Variants in CAP2 observed in about 807,000 individuals in gnomAD.
The protein encoded by CAP2 is cyclase associated actin cytoskeleton regulatory protein 2.
Under a neutral mutation model 57.7 loss-of-function variants are expected in CAP2, and 24 were observed. The observed-to-expected ratio is 0.42, with a 90% CI of 0.30 to 0.58. CAP2 has a LOEUF of 0.58. Ranked by LOEUF, CAP2 falls within the 20% of genes least tolerant of loss-of-function variation. The pLI is 0.22. For synonymous variants in CAP2, 194 were observed against 207.2 expected (o/e 0.94, Z 0.55); for missense variants, 501 against 590.3 (o/e 0.85, Z 1.57).
intron 2 of CAP2, among the ~76,000 whole-genome samples, chr6:17,426,029 A>T (rs1344600675): frequency 1.3e-5 from 2 of 151,898 alleles, no homozygotes; most frequent in Non-Finnish European, 2.9e-5. Context: ...TGGGAGGAGG[A>T]GGTTGCAGTG....
At chr6:17,526,439 C>G (rs901698793) in intron 7 of CAP2, among the ~76,000 whole-genome samples, 4 of 151,964 alleles carry the variant, frequency 2.6e-5, no homozygotes, top group Admixed American at 1.3e-4. Context: ...TTCCTTCTGT[C>G]CAGTGATAGG....
intron 3 of CAP2, among the ~76,000 whole-genome samples, chr6:17,457,216 G>T (rs182895853): frequency 6.6e-6 from 1 of 152,282 alleles, no homozygotes; most frequent in Non-Finnish European, 1.5e-5. Flanking sequence ...AGATGCACAT[G>T]TTCACCCACA....
At chr6:17,414,337 T>C (rs1367667386) in intron 1 of CAP2, among the ~76,000 whole-genome samples, 1 of 152,118 alleles carries the variant, frequency 6.6e-6, no homozygotes, top group Non-Finnish European at 1.5e-5. Context: ...GCAGGTTCGT[T>C]ACATAGGTAT....
intron 4 of CAP2, among the ~76,000 whole-genome samples, chr6:17,506,759 G>A (rs1330357033): frequency 6.6e-6 from 1 of 152,170 alleles, no homozygotes. Flanking sequence ...GGAATAGGAT[G>A]AAGTCATTTT....
chr6:17,552,916 TTCA>T lies in CAP2; in HGVS notation c.1350+1317_1350+1319del, dbSNP rs377309046. On this transcript the variant is annotated intron_variant, in intron 12 of 12. Coordinates refer to ENST00000229922, the MANE Select transcript of CAP2 (RefSeq NM_006366.3). ...ACGTGTCATACATTACAGGCCAGAATTCATCATTTCAGTTTAAAAAAACAAAAC... is the reference window on the plus strand; with the variant it reads ...ACGTGTCATACATTACAGGCCAGAATTCATTTCAGTTTAAAAAAACAAAAC... Among the ~76,000 whole-genome samples the T allele has an allele frequency of 2.1e-3, 317 of 152,202 alleles. 1 individual carries two copies. Among genetic ancestry groups the T allele is most frequent in the South Asian group, 0.013 (61 of 4,822 alleles).
At chr6:17,555,846 C>T (rs1489905390) in intron 12 of CAP2, among the ~76,000 whole-genome samples, 1 of 152,152 alleles carries the variant, frequency 6.6e-6, no homozygotes, top group Non-Finnish European at 1.5e-5. Flanking sequence ...AGATTACAGG[C>T]TTAAGCCACT....
At position 17,456,584 on chromosome 6, in the gene CAP2, C is replaced by T. The variant is rs112070623; in HGVS notation, c.223-6412C>T. On this transcript the variant is annotated intron_variant, in intron 3 of 12. Transcript: ENST00000229922. The stretch of plus-strand genomic sequence containing the variant: ...GTGTCTCTAATTATGAAAAACAGGG[C>T]ATCAGTAGACCAACTGGGGAGGTAT... Among the ~76,000 whole-genome samples the T allele has an allele frequency of 6.1e-3, 933 of 152,158 alleles. 10 individuals are homozygous for T. The highest frequency in any genetic ancestry group is 0.021 in the African/African-American group (869 of 41,506).
At chr6:17,549,884 CTGAG>C (rs1358407732) in intron 11 of CAP2, among the ~76,000 whole-genome samples, 4 of 152,204 alleles carry the variant, frequency 2.6e-5, no homozygotes, top group African/African-American at 9.6e-5. Context: ...TAGTCTGTGA[CTGAG>C]TAATTTCACT....
chr6:17,503,799 T>G (rs1761900737), intron 4 of CAP2, among the ~76,000 whole-genome samples: 1 of 152,136 alleles, frequency 6.6e-6, no homozygotes, highest in African/African-American at 2.4e-5. Flanking sequence ...GGGGGGCAGG[T>G]GCACAGAGTG....
chr6:17,465,679 G>A (rs1008464380), intron 4 of CAP2, among the ~76,000 whole-genome samples: 1 of 152,212 alleles, frequency 6.6e-6, no homozygotes, highest in South Asian at 2.1e-4. Context: ...AGAACCAGCA[G>A]AAAAGACCTG....
At chr6:17,429,082 T>C (rs1159171852) in intron 3 of CAP2, among the ~76,000 whole-genome samples, 1 of 152,218 alleles carries the variant, frequency 6.6e-6, no homozygotes, top group East Asian at 1.9e-4. Flanking sequence ...GTCAAATGTA[T>C]CCCACAGCAC....
chr6:17,496,036 G>GGGGT (rs1761662417), intron 4 of CAP2, among the ~76,000 whole-genome samples: 2 of 133,604 alleles, frequency 1.5e-5, no homozygotes, highest in African/African-American at 2.8e-5. Flanking sequence ...GTGGGGGGGG[G>GGGGT]GGGTAAGTCA....
intron 1 of CAP2, among the ~76,000 whole-genome samples, chr6:17,397,996 C>T (rs1225395633): frequency 6.6e-6 from 1 of 151,966 alleles, no homozygotes; most frequent in Non-Finnish European, 1.5e-5. Flanking sequence ...TACTCATTTC[C>T]CCAAACCAAG....
chr6:17,509,945 C>T (rs965176634), intron 6 of CAP2, among the ~76,000 whole-genome samples: 2 of 151,762 alleles, frequency 1.3e-5, no homozygotes, highest in Non-Finnish European at 2.9e-5. Flanking sequence ...CATGGATGAA[C>T]CTTGAAAATA....
intron 4 of CAP2, among the ~76,000 whole-genome samples, chr6:17,502,626 G>T (rs764459838): frequency 6.6e-6 from 1 of 152,014 alleles, no homozygotes; most frequent in Non-Finnish European, 1.5e-5. Flanking sequence ...TCTTCCAGAA[G>T]ACTCTGTCTC....
At chr6:17,422,064 G>A (rs753178542) in intron 2 of CAP2, among the ~76,000 whole-genome samples, 32 of 152,066 alleles carry the variant, frequency 2.1e-4, no homozygotes, top group Non-Finnish European at 4.1e-4. Flanking sequence ...CCTCTTAAGA[G>A]CATATTCATC....
At chr6:17,475,894 T>TGTGCA (rs1581551351) in intron 4 of CAP2, among the ~76,000 whole-genome samples, 1 of 152,272 alleles carries the variant, frequency 6.6e-6, no homozygotes, top group East Asian at 1.9e-4. Flanking sequence ...ATCCTGTCTC[T>TGTGCA]GTGCAGATGG....
rs752591956 is a variant in CAP2, at chr6:17,541,095, C to T, written c.949C>T (p.Pro317Ser). Residue 317 changes from proline (P) to serine (S), a missense_variant, in exon 9 of 13, where the codon CCT (proline) becomes TCT (serine). Coordinates refer to ENST00000229922, the MANE Select transcript of CAP2 (RefSeq NM_006366.3). ...TPSPTSPKSYPSQKHAPVLEL... is the reference protein window; with the variant it reads ...TPSPTSPKSYSSQKHAPVLEL... The stretch of plus-strand genomic sequence containing the variant: ...AAGTCCCACATCTCCTAAATCTTAT[C>T]CTTCTCAAAAACATGCCCCAGTGTT... The T allele has an allele frequency of 7.4e-6, 12 of 1,614,054 alleles. No individual in the cohort carries two copies. The highest frequency in any genetic ancestry group is 5.5e-5 in the South Asian group (5 of 91,064).
intron 3 of CAP2, among the ~76,000 whole-genome samples, chr6:17,452,088 C>T (rs941221186): frequency 6.6e-6 from 1 of 152,180 alleles, no homozygotes; most frequent in Non-Finnish European, 1.5e-5. Flanking sequence ...AGAATCACAA[C>T]GTAATCTGTG....
Sources: gnomAD v4.1 joint callset for allele counts (sites outside exome capture counted in the v4.1 genomes callset) on GRCh38, gnomAD v4.1.1 for gene constraint, MANE v1.5 for transcripts, NCBI Gene and HGNC (gene_info 2026-07-23, HGNC 2026-07-21) for gene names.